Variants in VPS13B observed in about 807,000 individuals in gnomAD.
VPS13B encodes vacuolar protein sorting 13 homolog B.
Under a neutral mutation model 426.4 loss-of-function variants are expected in VPS13B, and 285 were observed. The observed-to-expected ratio is 0.67, with a 90% CI of 0.61 to 0.74. VPS13B has a LOEUF of 0.74. Ranked by LOEUF, VPS13B falls within the 30% of genes least tolerant of loss-of-function variation. The pLI is 0.00. For synonymous variants in VPS13B, 1,676 were observed against 1,676.4 expected, an observed-to-expected ratio of 1.00 and a Z score of 0.01; for missense variants, 4,537 against 4,782.6, an observed-to-expected ratio of 0.95 and a Z score of 1.51.
intron 19 of VPS13B, among the ~76,000 whole-genome samples, chr8:99,306,805 T>C (rs1820663862): frequency 6.6e-6 from 1 of 152,064 alleles, no homozygotes; most frequent in Non-Finnish European, 1.5e-5. Flanking sequence ...TCAGAACTTA[T>C]ACTAAAAAAT....
chr8:99,588,720 C>T (rs903138234), intron 33 of VPS13B, among the ~76,000 whole-genome samples: 19 of 151,626 alleles, frequency 1.3e-4, no homozygotes, highest in Admixed American at 4.6e-4. Flanking sequence ...TGGGCTGAGA[C>T]GATGGGGTTT....
chr8:99,374,873 C>G (rs1813399490), intron 19 of VPS13B, among the ~76,000 whole-genome samples: 2 of 152,256 alleles, frequency 1.3e-5, no homozygotes, highest in African/African-American at 2.4e-5. Flanking sequence ...ATTCCACATG[C>G]CTTGTTCACT....
At chr8:99,771,287 T>A (rs1299020717) in intron 40 of VPS13B, among the ~76,000 whole-genome samples, 1 of 152,182 alleles carries the variant, frequency 6.6e-6, no homozygotes, top group Non-Finnish European at 1.5e-5. Context: ...TATTAAAGCA[T>A]GTGAGAGCAG....
intron 17 of VPS13B, among the ~76,000 whole-genome samples, chr8:99,238,084 A>G (rs1816735702): frequency 6.6e-6 from 1 of 151,796 alleles, no homozygotes; most frequent in African/African-American, 2.4e-5. Flanking sequence ...AATTTACTCT[A>G]CCCTCATCCT....
chr8:99,492,751 C>T (rs986963293), intron 25 of VPS13B, among the ~76,000 whole-genome samples: 1 of 152,108 alleles, frequency 6.6e-6, no homozygotes, highest in Admixed American at 6.5e-5. Context: ...GAGAGTGTAC[C>T]GTTCCTCCAG....
At chr8:99,353,330 C>T (rs1811999309) in intron 19 of VPS13B, among the ~76,000 whole-genome samples, 1 of 152,092 alleles carries the variant, frequency 6.6e-6, no homozygotes, top group African/African-American at 2.4e-5. Context: ...TTGGAAAAAA[C>T]TGATAAAAGA....
At chr8:99,599,956 G>C (rs1827205781) in intron 33 of VPS13B, among the ~76,000 whole-genome samples, 1 of 152,064 alleles carries the variant, frequency 6.6e-6, no homozygotes. Flanking sequence ...GATGCTGGTG[G>C]TTACCCAAAT....
At chr8:99,154,061 T>C (rs548832972) in intron 14 of VPS13B, among the ~76,000 whole-genome samples, 121 of 152,186 alleles carry the variant, frequency 8.0e-4, no homozygotes, top group Non-Finnish European at 1.4e-3. Flanking sequence ...ATTGCTCCTC[T>C]ATAAGTAACA....
chr8:99,275,880 G>GT (rs1435587387), intron 19 of VPS13B, among the ~76,000 whole-genome samples: 2 of 152,154 alleles, frequency 1.3e-5, no homozygotes. Flanking sequence ...CACTTAGCCA[G>GT]TATGTGGTTA....
At chr8:99,712,433 C>T (rs4735635) in intron 36 of VPS13B, among the ~76,000 whole-genome samples, 6,289 of 152,274 alleles carry the variant, frequency 0.041, 143 homozygotes, top group East Asian at 0.056. Context: ...GAATATCAAA[C>T]ATAAAGTCCC....
chr8:99,045,338 A>G (rs183963487), intron 3 of VPS13B, among the ~76,000 whole-genome samples: 1 of 151,554 alleles, frequency 6.6e-6, no homozygotes, highest in Non-Finnish European at 1.5e-5. Flanking sequence ...TTTGTTGGCC[A>G]TTTGTGTATC....
At chr8:99,257,274 T>C (rs1488522713) in intron 17 of VPS13B, among the ~76,000 whole-genome samples, 1 of 152,174 alleles carries the variant, frequency 6.6e-6, no homozygotes, top group Non-Finnish European at 1.5e-5. Flanking sequence ...TTCTTTATCA[T>C]GAATTGAAGG....
At chr8:99,455,671 G>A (rs1050800552) in intron 23 of VPS13B, among the ~76,000 whole-genome samples, 1 of 152,056 alleles carries the variant, frequency 6.6e-6, no homozygotes, top group African/African-American at 2.4e-5. Context: ...TCTGCTTTCT[G>A]TCCCTATAAA....
intron 36 of VPS13B, among the ~76,000 whole-genome samples, chr8:99,701,341 G>C (rs887948194): frequency 6.6e-5 from 10 of 152,136 alleles, no homozygotes; most frequent in Non-Finnish European, 1.2e-4. Context: ...TCATAGCAGG[G>C]AAAGGTTAAG....
At chr8:99,703,863 G>A (rs969911471) in intron 36 of VPS13B, among the ~76,000 whole-genome samples, 7 of 152,098 alleles carry the variant, frequency 4.6e-5, no homozygotes, top group Non-Finnish European at 1.0e-4. Context: ...GCACACAGTT[G>A]AGAGCTGTGA....
intron 39 of VPS13B, among the ~76,000 whole-genome samples, chr8:99,744,851 A>G (rs561057708): frequency 3.0e-4 from 46 of 152,232 alleles, no homozygotes; most frequent in East Asian, 2.9e-3. Context: ...GGATAGCATT[A>G]GGAGATACAC....
At chr8:99,370,121 A>G (rs1255625816) in intron 19 of VPS13B, among the ~76,000 whole-genome samples, 1 of 152,214 alleles carries the variant, frequency 6.6e-6, no homozygotes, top group Non-Finnish European at 1.5e-5. Context: ...TTTATTCAAC[A>G]GATTTTGTAT....
At chr8:99,821,203 T>G in intron 49 of VPS13B, 91 bp from the exon 50 acceptor site, 1 of 1,248,966 alleles carries the variant, frequency 8.0e-7, no homozygotes, top group South Asian at 1.3e-5. Flanking sequence ...GTAGACCTAT[T>G]ATATAATATT....
intron 19 of VPS13B, among the ~76,000 whole-genome samples, chr8:99,350,735 G>A (rs1389843095): frequency 6.6e-6 from 1 of 152,040 alleles, no homozygotes; most frequent in African/African-American, 2.4e-5. Context: ...GAAACTGTGT[G>A]ATGGCAGGAG....
Sources: gnomAD v4.1 joint callset for allele counts (sites outside exome capture counted in the v4.1 genomes callset) on GRCh38, gnomAD v4.1.1 for gene constraint, MANE v1.5 for transcripts, NCBI Gene and HGNC (gene_info 2026-07-23, HGNC 2026-07-21) for gene names.